Variants in C12orf42 observed in about 807,000 individuals in gnomAD.
C12orf42 encodes the protein uncharacterized protein C12orf42.
In C12orf42, 25 loss-of-function variants were observed where a neutral mutation model predicts 21.6. The observed-to-expected ratio is 1.16, with a 90% CI of 0.84 to 1.62. C12orf42 has a LOEUF of 1.62. Among genes scored for constraint, C12orf42 ranks in the 40% most tolerant of loss-of-function variants. The probability of loss-of-function intolerance (pLI) is 0.00; values close to 1 mark genes in which losing one functional copy is unlikely to be tolerated. For synonymous variants in C12orf42, 174 were observed against 175.0 expected (o/e 0.99, Z 0.05); for missense variants, 483 against 459.3 (o/e 1.05, Z -0.47).
the C12orf42 span, among the ~76,000 whole-genome samples, chr12:103,561,659 C>G: frequency 6.6e-6 from 1 of 152,166 alleles, no homozygotes; most frequent in Non-Finnish European, 1.5e-5. Flanking sequence ...CAGTCCATTC[C>G]AGGGCTGCAC....
At chr12:103,180,873 C>A in the C12orf42 span, among the ~76,000 whole-genome samples, 1 of 151,986 alleles carries the variant, frequency 6.6e-6, no homozygotes, top group East Asian at 2.0e-4. Context: ...GGTGATCCGC[C>A]TACCTCAGCC....
At chr12:103,189,792 G>T in the C12orf42 span, among the ~76,000 whole-genome samples, 20 of 152,204 alleles carry the variant, frequency 1.3e-4, no homozygotes, top group African/African-American at 4.6e-4. Context: ...AGACCTGCCT[G>T]CCTATGGACT....
At chr12:103,495,592 G>A (rs868395178) in intron 1 of C12orf42, among the ~76,000 whole-genome samples, 33 of 152,054 alleles carry the variant, frequency 2.2e-4, no homozygotes, top group African/African-American at 6.5e-4. Flanking sequence ...CTGGGCCGTC[G>A]CCGGGGCAAC....
intron 4 of C12orf42, among the ~76,000 whole-genome samples, chr12:103,307,774 AG>A (rs546128399): frequency 2.6e-3 from 402 of 152,136 alleles, no homozygotes; most frequent in African/African-American, 9.2e-3. Flanking sequence ...ATGTGTGTGT[AG>A]GTGTGTGCTT....
At chr12:103,166,034 C>A in the C12orf42 span, among the ~76,000 whole-genome samples, 1 of 137,052 alleles carries the variant, frequency 7.3e-6, no homozygotes, top group African/African-American at 2.6e-5. Context: ...AGCGAGACTC[C>A]GTCTCAAAAA....
chr12:103,517,549 C>T, the C12orf42 span, among the ~76,000 whole-genome samples: 1 of 152,160 alleles, frequency 6.6e-6, no homozygotes, highest in Non-Finnish European at 1.5e-5. Flanking sequence ...TACATTAGAC[C>T]TTTTTAGGTA....
At chr12:103,081,425 A>G in the C12orf42 span, 7 of 152,124 alleles carry the variant, frequency 4.6e-5, no homozygotes, top group Non-Finnish European at 8.8e-5. Context: ...GAGGCTGTCA[A>G]TGTTTTTCTT....
intron 3 of C12orf42, among the ~76,000 whole-genome samples, chr12:103,394,112 T>C (rs528066962): frequency 6.6e-6 from 1 of 152,346 alleles, no homozygotes; most frequent in South Asian, 2.1e-4. Flanking sequence ...CCCATGCTCA[T>C]ACTTAAATGC....
the C12orf42 span, among the ~76,000 whole-genome samples, chr12:103,102,486 G>A: frequency 6.6e-6 from 1 of 152,180 alleles, no homozygotes; most frequent in Non-Finnish European, 1.5e-5. Context: ...GGGTGTCCAA[G>A]GGAGAGAATG....
the C12orf42 span, among the ~76,000 whole-genome samples, chr12:103,215,519 A>G: frequency 6.6e-6 from 1 of 151,384 alleles, no homozygotes; most frequent in Non-Finnish European, 1.5e-5. Flanking sequence ...GCCTCTGATC[A>G]ATTAAAAGGC....
the C12orf42 span, among the ~76,000 whole-genome samples, chr12:103,066,368 GC>G: frequency 1.3e-5 from 2 of 152,156 alleles, no homozygotes; most frequent in African/African-American, 4.8e-5. Flanking sequence ...TGGCTCAAAT[GC>G]CCGTGGTCTC....
chr12:103,246,631 G>A (rs543423704), intron 10 of C12orf42, among the ~76,000 whole-genome samples: 6 of 152,186 alleles, frequency 3.9e-5, no homozygotes, highest in South Asian at 4.1e-4. Context: ...TAGTTCAACC[G>A]TGCAAAGATT....
intron 1 of C12orf42, among the ~76,000 whole-genome samples, chr12:103,495,253 A>G (rs12422517): frequency 0.66 from 97,842 of 147,326 alleles, 32,590 homozygotes; most frequent in Admixed American, 0.74. Flanking sequence ...GGGGAAGGTT[A>G]GGGGGAGAAG....
At chr12:103,132,624 C>T in the C12orf42 span, among the ~76,000 whole-genome samples, 4 of 152,204 alleles carry the variant, frequency 2.6e-5, no homozygotes, top group Non-Finnish European at 5.9e-5. Flanking sequence ...CCTGCATCTC[C>T]ACATCTCTGG....
the C12orf42 span, among the ~76,000 whole-genome samples, chr12:103,131,466 ATT>A: frequency 6.6e-6 from 1 of 152,102 alleles, no homozygotes; most frequent in Non-Finnish European, 1.5e-5. Flanking sequence ...GTTTATTTTT[ATT>A]TACCTTCACA....
At chr12:103,081,422 T>C in the C12orf42 span, 2 of 152,212 alleles carry the variant, frequency 1.3e-5, no homozygotes, top group Non-Finnish European at 2.9e-5. Context: ...AGAGAGGCTG[T>C]CAATGTTTTT....
chr12:103,500,206 C>T (rs1208396103), upstream of C12orf42, among the ~76,000 whole-genome samples: 2 of 152,128 alleles, frequency 1.3e-5, no homozygotes, highest in Non-Finnish European at 2.9e-5. Flanking sequence ...ATTTTGGGAT[C>T]CTAAGAGAAG....
chr12:103,504,228 C>G, the C12orf42 span: 1 of 153,554 alleles, frequency 6.5e-6, no homozygotes, highest in Non-Finnish European at 1.5e-5. Flanking sequence ...CCACCCTGAT[C>G]CAACGGGACC....
intron 2 of C12orf42, among the ~76,000 whole-genome samples, chr12:103,438,727 A>G (rs1353779600): frequency 6.6e-6 from 1 of 151,992 alleles, no homozygotes; most frequent in Non-Finnish European, 1.5e-5. Flanking sequence ...TTCAAGGAGA[A>G]CTACAAACCA....
Sources: gnomAD v4.1 joint callset for allele counts (sites outside exome capture counted in the v4.1 genomes callset) on GRCh38, gnomAD v4.1.1 for gene constraint, MANE v1.5 for transcripts, NCBI Gene and HGNC (gene_info 2026-07-23, HGNC 2026-07-21) for gene names.